TENM2: variants seen among roughly 807,000 people sequenced by gnomAD.
TENM2 encodes teneurin-2.
In TENM2, 52 loss-of-function variants were observed where a neutral mutation model predicts 245.2. The ratio of observed to expected loss-of-function variants is 0.21; its 90% CI spans 0.17 to 0.27. The LOEUF (loss-of-function observed/expected upper bound fraction) is 0.27. Among genes scored for constraint, TENM2 ranks in the 10% least tolerant of loss-of-function variants. The probability of loss-of-function intolerance (pLI) is 1.00; values close to 1 mark genes in which losing one functional copy is unlikely to be tolerated. For synonymous variants in TENM2, 1,363 were observed against 1,438.9 expected (o/e 0.95, Z 1.19); for missense variants, 3,046 against 3,666.8 (o/e 0.83, Z 4.37).
chr5:167,962,068 T>A (rs1781054703), intron 4 of TENM2, among the ~76,000 whole-genome samples: 1 of 152,206 alleles, frequency 6.6e-6, no homozygotes, highest in East Asian at 1.9e-4. Flanking sequence ...TCTTGACAAA[T>A]ATCTGGTAGA....
intron 9 of TENM2, among the ~76,000 whole-genome samples, chr5:168,100,084 G>T (rs1432914342): frequency 6.6e-6 from 1 of 152,304 alleles, no homozygotes; most frequent in Admixed American, 6.5e-5. Context: ...TTTGTATCCT[G>T]AGACTTTGCT....
At chr5:167,636,010 TTTG>T (rs1177927074) in intron 2 of TENM2, among the ~76,000 whole-genome samples, 8 of 151,782 alleles carry the variant, frequency 5.3e-5, no homozygotes, top group African/African-American at 9.7e-5. Flanking sequence ...GGAGGAAGTT[TTTG>T]TTGTTGTTCT....
the TENM2 span, among the ~76,000 whole-genome samples, chr5:167,089,331 A>G: frequency 6.6e-6 from 1 of 152,184 alleles, no homozygotes; most frequent in East Asian, 1.9e-4. Flanking sequence ...GAGAGACAAA[A>G]TAGTTTGCTA....
At chr5:167,374,634 C>T (rs1388726503) in intron 1 of TENM2, among the ~76,000 whole-genome samples, 1 of 152,052 alleles carries the variant, frequency 6.6e-6, no homozygotes, top group Non-Finnish European at 1.5e-5. Flanking sequence ...CTAGCTGCCA[C>T]TCGTATTCAT....
intron 12 of TENM2, among the ~76,000 whole-genome samples, chr5:168,135,691 G>T (rs574893790): frequency 6.6e-6 from 1 of 151,860 alleles, no homozygotes; most frequent in African/African-American, 2.4e-5. Flanking sequence ...AAGAGAAAAT[G>T]CATTTAGTTA....
At chr5:167,570,767 AG>A (rs1562064266) in intron 2 of TENM2, among the ~76,000 whole-genome samples, 1 of 152,192 alleles carries the variant, frequency 6.6e-6, no homozygotes, top group Non-Finnish European at 1.5e-5. Flanking sequence ...ACACAAATCA[AG>A]AAATGTCAGA....
chr5:168,236,527 C>T (rs1447929475), intron 25 of TENM2, among the ~76,000 whole-genome samples: 1 of 152,180 alleles, frequency 6.6e-6, no homozygotes, highest in Non-Finnish European at 1.5e-5. Flanking sequence ...CCCCACTGAG[C>T]AGCGCTTTCT....
At chr5:167,777,448 C>G (rs1272042883) in intron 2 of TENM2, among the ~76,000 whole-genome samples, 1 of 152,116 alleles carries the variant, frequency 6.6e-6, no homozygotes, top group East Asian at 1.9e-4. Flanking sequence ...ATGTGCCTAG[C>G]ACTGTGCTAT....
At chr5:167,517,775 A>G (rs1471590299) in intron 2 of TENM2, among the ~76,000 whole-genome samples, 4 of 152,142 alleles carry the variant, frequency 2.6e-5, no homozygotes, top group Non-Finnish European at 5.9e-5. Flanking sequence ...AAAGGCTGAT[A>G]CCATTCAACC....
intron 2 of TENM2, among the ~76,000 whole-genome samples, chr5:167,612,091 C>T (rs140680853): frequency 6.6e-6 from 1 of 152,200 alleles, no homozygotes; most frequent in African/African-American, 2.4e-5. Flanking sequence ...AAGTCATGTG[C>T]AAGGTAAGAA....
chr5:167,465,832 A>G (rs183087470), intron 2 of TENM2, among the ~76,000 whole-genome samples: 16 of 151,668 alleles, frequency 1.1e-4, no homozygotes, highest in Middle Eastern at 3.4e-3. Flanking sequence ...CTGTCTCAAA[A>G]AAAGAAAGAA....
chr5:167,567,288 C>A (rs1212720486), intron 2 of TENM2, among the ~76,000 whole-genome samples: 2 of 152,054 alleles, frequency 1.3e-5, no homozygotes, highest in Non-Finnish European at 2.9e-5. Flanking sequence ...GAGCATGAAT[C>A]TTTAGTGAAT....
At chr5:167,308,659 G>A (rs1300989146) in intron 1 of TENM2, among the ~76,000 whole-genome samples, 1 of 152,150 alleles carries the variant, frequency 6.6e-6, no homozygotes, top group African/African-American at 2.4e-5. Flanking sequence ...CTTTCCAGCT[G>A]TGAATTCTGC....
At chr5:167,722,917 G>A (rs148238733) in intron 2 of TENM2, among the ~76,000 whole-genome samples, 1 of 152,290 alleles carries the variant, frequency 6.6e-6, no homozygotes, top group Admixed American at 6.5e-5. Context: ...ACGGAGAAAT[G>A]AGGCAGTTTA....
intron 2 of TENM2, among the ~76,000 whole-genome samples, chr5:167,622,083 G>C (rs1156834363): frequency 1.3e-5 from 2 of 152,134 alleles, no homozygotes; most frequent in African/African-American, 4.8e-5. Flanking sequence ...GATTACATAA[G>C]TGTTTCAATT....
At chr5:167,408,875 G>A (rs971377970) in intron 2 of TENM2, among the ~76,000 whole-genome samples, 1 of 149,628 alleles carries the variant, frequency 6.7e-6, no homozygotes, top group African/African-American at 2.4e-5. Context: ...ATATGGCATA[G>A]CATTTTATTA....
chr5:167,273,924 T>C, the TENM2 span, among the ~76,000 whole-genome samples: 30 of 152,266 alleles, frequency 2.0e-4, no homozygotes, highest in African/African-American at 7.2e-4. Flanking sequence ...CTTTGTACTT[T>C]GCTACAACTG....
intron 5 of TENM2, among the ~76,000 whole-genome samples, chr5:167,997,656 C>T (rs1404640653): frequency 2.6e-5 from 4 of 151,950 alleles, no homozygotes; most frequent in Non-Finnish European, 5.9e-5. Flanking sequence ...AATTATGCCC[C>T]CTGGTTTTTT....
chr5:167,574,288 T>A (rs971538079), intron 2 of TENM2, among the ~76,000 whole-genome samples: 35 of 152,338 alleles, frequency 2.3e-4, no homozygotes, highest in Middle Eastern at 6.8e-3. Flanking sequence ...AAGATGATTT[T>A]GATCAGAATA....
Sources: gnomAD v4.1 joint callset for allele counts (sites outside exome capture counted in the v4.1 genomes callset) on GRCh38, gnomAD v4.1.1 for gene constraint, MANE v1.5 for transcripts, NCBI Gene and HGNC (gene_info 2026-07-23, HGNC 2026-07-21) for gene names.